The following ATRNL1 variants were observed in gnomAD, a reference collection of about 807,000 sequenced individuals.
ATRNL1 encodes attractin like 1, also known as attractin-like protein 1.
Under a neutral mutation model 182.7 loss-of-function variants are expected in ATRNL1, and 95 were observed. That is an observed-to-expected ratio of 0.52 (90% CI 0.44 to 0.62). The LOEUF is 0.62. Ranked by LOEUF, ATRNL1 falls within the 20% of genes least tolerant of loss-of-function variation. The pLI is 0.00. For missense variants in ATRNL1, 1,471 were observed against 1,679.5 expected (o/e 0.88, Z 2.17); for synonymous variants, 576 against 568.3 (o/e 1.01, Z -0.19).
At chr10:115,373,342 A>G (rs1554948608) in intron 19 of ATRNL1, among the ~76,000 whole-genome samples, 5 of 152,010 alleles carry the variant, frequency 3.3e-5, no homozygotes. Context: ...TAAAATTTGG[A>G]TAGCTTTTAT....
intron 8 of ATRNL1, among the ~76,000 whole-genome samples, chr10:115,191,796 A>G (rs1408881129): frequency 6.6e-6 from 1 of 152,000 alleles, no homozygotes; most frequent in Non-Finnish European, 1.5e-5. Flanking sequence ...CTCCTCAGCC[A>G]TGCTGAACTG....
rs1254161441 is a variant in ATRNL1, at chr10:115,290,347, C to T, written c.2415+3950C>T. ...CAAGGAAATCAAGGACACAGACACA[C>T]AAGGAGTGAAATTAAGAGCAGAGGT... On this transcript the variant is annotated intron_variant, in intron 15 of 28. Coordinates refer to ENST00000355044, the MANE Select transcript of ATRNL1 (RefSeq NM_207303.4). Among the ~76,000 whole-genome samples, 5 of 152,154 alleles carry T rather than the reference C, an allele frequency of 3.3e-5. 1 individual carries two copies. The highest frequency in any genetic ancestry group is 4.1e-4 in the South Asian group (2 of 4,820).
chr10:115,580,579 T>A (rs183452287), intron 26 of ATRNL1, among the ~76,000 whole-genome samples: 27 of 152,228 alleles, frequency 1.8e-4, no homozygotes, highest in African/African-American at 5.5e-4. Flanking sequence ...CTCTTTGGAT[T>A]CATATTATTT....
chr10:115,696,898 AGCGAGC>A (rs1185513960), intron 26 of ATRNL1, among the ~76,000 whole-genome samples: 4 of 147,674 alleles, frequency 2.7e-5, no homozygotes, highest in African/African-American at 1.0e-4. Context: ...AGAGAGAGAG[AGCGAGC>A]GAGCTAGGGG....
At chr10:115,835,151 G>A (rs573732059) in intron 27 of ATRNL1, among the ~76,000 whole-genome samples, 6 of 152,110 alleles carry the variant, frequency 3.9e-5, no homozygotes, top group East Asian at 3.9e-4. Flanking sequence ...GGATATTGGC[G>A]TCTTCTCTGC....
At chr10:115,655,892 A>C (rs572063263) in intron 26 of ATRNL1, among the ~76,000 whole-genome samples, 17 of 152,238 alleles carry the variant, frequency 1.1e-4, no homozygotes, top group Non-Finnish European at 2.4e-4. Flanking sequence ...CTACTGCAAA[A>C]ATTTCCTCCC....
chr10:115,795,258 C>T (rs114603860), intron 27 of ATRNL1, among the ~76,000 whole-genome samples: 1,682 of 152,248 alleles, frequency 0.011, 29 homozygotes, highest in African/African-American at 0.038. Flanking sequence ...ATTTATTTCT[C>T]TGTCTATATA....
intron 26 of ATRNL1, among the ~76,000 whole-genome samples, chr10:115,602,451 T>A (rs12766826): frequency 7.3e-5 from 3 of 40,922 alleles, no homozygotes; most frequent in South Asian, 5.0e-4. Context: ...ACAAAAAAAC[T>A]CTCTGGACAC....
chr10:115,416,689 A>G (rs1026120766), intron 20 of ATRNL1, among the ~76,000 whole-genome samples: 3 of 152,206 alleles, frequency 2.0e-5, no homozygotes, highest in African/African-American at 7.2e-5. Flanking sequence ...GAGAAAATAA[A>G]ATTTCAACCA....
intron 26 of ATRNL1, among the ~76,000 whole-genome samples, chr10:115,683,790 G>T (rs1946131257): frequency 6.6e-6 from 1 of 151,766 alleles, no homozygotes; most frequent in African/African-American, 2.4e-5. Flanking sequence ...GTTGAAATTT[G>T]TATAAGCAAA....
chr10:115,856,157 G>T (rs550787078), intron 28 of ATRNL1, among the ~76,000 whole-genome samples: 1 of 151,974 alleles, frequency 6.6e-6, no homozygotes, highest in Non-Finnish European at 1.5e-5. Context: ...GACCAGGCAC[G>T]GTAGCTCATG....
chr10:115,692,019 A>G (rs1946410131), intron 26 of ATRNL1, among the ~76,000 whole-genome samples: 1 of 152,106 alleles, frequency 6.6e-6, no homozygotes. Flanking sequence ...TTTGTGTCAT[A>G]TCCAAGAAAT....
intron 11 of ATRNL1, 143 bp from the exon 12 acceptor site, chr10:115,266,654 T>C (rs1273237742): frequency 4.5e-6 from 2 of 443,150 alleles, no homozygotes; most frequent in East Asian, 6.6e-5. Context: ...ATGCTAGAAA[T>C]ATGATTTTAA....
chr10:115,305,311 A>G (rs782032710), intron 17 of ATRNL1, among the ~76,000 whole-genome samples: 10 of 152,172 alleles, frequency 6.6e-5, no homozygotes, highest in Non-Finnish European at 1.5e-4. Context: ...GCAGGCTGGA[A>G]TCCCAGCTGC....
intron 27 of ATRNL1, among the ~76,000 whole-genome samples, chr10:115,835,361 T>G (rs1555095085): frequency 1.3e-5 from 2 of 152,162 alleles, no homozygotes; most frequent in Admixed American, 1.3e-4. Context: ...TGAGTAATGC[T>G]TACTCAGTTC....
At chr10:115,872,939 T>A (rs1480018913) in intron 28 of ATRNL1, among the ~76,000 whole-genome samples, 4 of 152,268 alleles carry the variant, frequency 2.6e-5, no homozygotes, top group African/African-American at 9.6e-5. Context: ...ACAGCATAGC[T>A]GCTCCTCCTG....
At chr10:115,249,730 G>T (rs1004631539) in intron 10 of ATRNL1, among the ~76,000 whole-genome samples, 3 of 151,650 alleles carry the variant, frequency 2.0e-5, no homozygotes, top group Admixed American at 2.0e-4. Flanking sequence ...TTTTCATCGT[G>T]GCTGTTTTGT....
At chr10:115,131,042 C>A (rs1845209833) in intron 5 of ATRNL1, among the ~76,000 whole-genome samples, 2 of 151,898 alleles carry the variant, frequency 1.3e-5, no homozygotes, top group Non-Finnish European at 2.9e-5. Flanking sequence ...GAATTTTTTT[C>A]TGGCCTTTGT....
intron 19 of ATRNL1, among the ~76,000 whole-genome samples, chr10:115,371,879 AT>A (rs1857413832): frequency 6.6e-6 from 1 of 152,126 alleles, no homozygotes; most frequent in Non-Finnish European, 1.5e-5. Context: ...AGCCCCCGTA[AT>A]TCCCATGTGT....
Sources: allele counts gnomAD v4.1 joint callset (sites outside exome capture counted in the v4.1 genomes callset), GRCh38; gene constraint gnomAD v4.1.1; transcripts MANE v1.5; gene names NCBI Gene and HGNC (gene_info 2026-07-23, HGNC 2026-07-21).